MAF: variants seen among roughly 807,000 people sequenced by gnomAD.
MAF encodes the protein transcription factor Maf.
In MAF, 10 loss-of-function variants were observed where a neutral mutation model predicts 22.0. The observed-to-expected ratio is 0.45, with a 90% CI of 0.28 to 0.77. The LOEUF (loss-of-function observed/expected upper bound fraction) is 0.77, where lower values mean the gene tolerates loss of function less well. Among genes scored for constraint, MAF ranks in the 30% least tolerant of loss-of-function variants. MAF has a pLI of 0.12. For missense variants in MAF, 544 were observed against 548.4 expected (o/e 0.99, Z 0.08); for synonymous variants, 337 against 255.8 (o/e 1.32, Z -3.03).
chr16:79,453,197 T>C, the MAF span, among the ~76,000 whole-genome samples: 1 of 152,100 alleles, frequency 6.6e-6, no homozygotes, highest in South Asian at 2.1e-4. Context: ...ACCCAAGCCT[T>C]TATCTGCCTC....
chr16:79,208,268 C>T, the MAF span, among the ~76,000 whole-genome samples: 1 of 152,106 alleles, frequency 6.6e-6, no homozygotes, highest in African/African-American at 2.4e-5. Context: ...ATTCTCAGTC[C>T]TGTGTCGTCA....
the MAF span, among the ~76,000 whole-genome samples, chr16:79,375,733 T>TA: frequency 4.0e-5 from 6 of 151,548 alleles, no homozygotes; most frequent in Admixed American, 2.0e-4. Flanking sequence ...GTCACAGACT[T>TA]AAAAAAAAAT....
At chr16:79,520,559 GCTTCT>G in the MAF span, among the ~76,000 whole-genome samples, 1 of 152,156 alleles carries the variant, frequency 6.6e-6, no homozygotes, top group Admixed American at 6.5e-5. Context: ...AATAAATATG[GCTTCT>G]CTTATTTACT....
chr16:79,487,874 G>A, the MAF span, among the ~76,000 whole-genome samples: 1 of 152,188 alleles, frequency 6.6e-6, no homozygotes, highest in Non-Finnish European at 1.5e-5. Context: ...CTCTGCGTAT[G>A]GATGAAGATT....
the MAF span, among the ~76,000 whole-genome samples, chr16:79,446,759 A>C: frequency 6.9e-6 from 1 of 145,788 alleles, no homozygotes; most frequent in Non-Finnish European, 1.5e-5. Context: ...AAAAAAAAAA[A>C]TTAGCCGAGC....
chr16:79,492,970 T>G, the MAF span, among the ~76,000 whole-genome samples: 2 of 151,796 alleles, frequency 1.3e-5, no homozygotes, highest in African/African-American at 4.8e-5. Context: ...TTTTTCTTTT[T>G]TTTTTGGAGG....
At chr16:79,252,932 C>A in the MAF span, among the ~76,000 whole-genome samples, 3 of 152,216 alleles carry the variant, frequency 2.0e-5, no homozygotes, top group African/African-American at 7.2e-5. Flanking sequence ...GAACTCCGTA[C>A]TTTCCTCTCC....
chr16:79,559,307 A>T, the MAF span, among the ~76,000 whole-genome samples: 1 of 152,194 alleles, frequency 6.6e-6, no homozygotes, highest in Non-Finnish European at 1.5e-5. Flanking sequence ...AATCAGCCCG[A>T]TCACCCACAT....
At chr16:79,232,842 T>A in the MAF span, among the ~76,000 whole-genome samples, 2 of 145,828 alleles carry the variant, frequency 1.4e-5, no homozygotes, top group Non-Finnish European at 3.0e-5. Flanking sequence ...CCATTCTTTT[T>A]TTTTTTTTTT....
At chr16:79,205,206 T>A in the MAF span, 1 of 152,344 alleles carries the variant, frequency 6.6e-6, no homozygotes, top group East Asian at 1.9e-4. Context: ...TAATTTGTGG[T>A]TGTGGTCTGT....
At chr16:79,467,822 AT>A in the MAF span, among the ~76,000 whole-genome samples, 1 of 151,998 alleles carries the variant, frequency 6.6e-6, no homozygotes, top group African/African-American at 2.4e-5. Flanking sequence ...TAGGCACTTA[AT>A]AAATGTTTAA....
chr16:79,367,799 C>A, the MAF span, among the ~76,000 whole-genome samples: 12 of 152,188 alleles, frequency 7.9e-5, no homozygotes, highest in Admixed American at 1.3e-4. Context: ...CAGCCTAGTA[C>A]ATTGTAGGCA....
chr16:79,453,352 G>A, the MAF span, among the ~76,000 whole-genome samples: 1 of 152,064 alleles, frequency 6.6e-6, no homozygotes, highest in Admixed American at 6.6e-5. Context: ...ACCTAAGATG[G>A]CATCCGGTAA....
At chr16:79,466,265 C>T in the MAF span, among the ~76,000 whole-genome samples, 2 of 152,164 alleles carry the variant, frequency 1.3e-5, no homozygotes, top group African/African-American at 2.4e-5. Context: ...AACTGAAGGG[C>T]ACCTGGCAGG....
the MAF span, among the ~76,000 whole-genome samples, chr16:79,324,245 G>A: frequency 5.3e-5 from 8 of 152,144 alleles, no homozygotes; most frequent in African/African-American, 1.7e-4. Context: ...CCTTCTCATT[G>A]CCAGGGTGTG....
the MAF span, among the ~76,000 whole-genome samples, chr16:79,444,737 G>T: frequency 6.6e-6 from 1 of 152,218 alleles, no homozygotes; most frequent in African/African-American, 2.4e-5. Flanking sequence ...AGAAGCCACA[G>T]AATGCTGCTT....
the MAF span, among the ~76,000 whole-genome samples, chr16:79,222,855 C>G: frequency 6.6e-6 from 1 of 152,100 alleles, no homozygotes; most frequent in Admixed American, 6.6e-5. Context: ...ACCGGAGCAC[C>G]CAAACTCATA....
At chr16:79,509,104 G>T in the MAF span, among the ~76,000 whole-genome samples, 1 of 152,112 alleles carries the variant, frequency 6.6e-6, no homozygotes, top group South Asian at 2.1e-4. Context: ...TATCTCCTTT[G>T]GGGCTTTTAC....
intron 1 of MAF, 175 bp downstream of exon 1, chr16:79,598,583 TGTGTGTGTGTGTGTGTGTGTGTGTGTG>T: frequency 3.4e-6 from 2 of 587,816 alleles, no homozygotes; most frequent in Non-Finnish European, 4.8e-6. Context: ...GGGTGTGGGG[TGTGTGTGTGTGTGTGTGTGTGTGTGTG>T]GTGTGTGCGT....
Sources: gnomAD v4.1 joint callset for allele counts (sites outside exome capture counted in the v4.1 genomes callset) on GRCh38, gnomAD v4.1.1 for gene constraint, MANE v1.5 for transcripts, NCBI Gene and HGNC (gene_info 2026-07-23, HGNC 2026-07-21) for gene names.